PDE8B: variants seen among roughly 807,000 people sequenced by gnomAD.
The protein encoded by PDE8B is phosphodiesterase 8B, also known as high affinity cAMP-specific and IBMX-insensitive 3',5'-cyclic phosphodiesterase 8B.
Under a neutral mutation model 101.3 loss-of-function variants are expected in PDE8B, and 26 were observed. The observed-to-expected ratio is 0.26, with a 90% CI of 0.19 to 0.36. The LOEUF is 0.36. Ranked by LOEUF, PDE8B falls within the 10% of genes least tolerant of loss-of-function variation. The probability of loss-of-function intolerance (pLI) is 1.00; values close to 1 mark genes in which losing one functional copy is unlikely to be tolerated. For missense variants in PDE8B, 810 were observed against 1,163.1 expected (o/e 0.70, Z 4.42); for synonymous variants, 424 against 429.3 (o/e 0.99, Z 0.15).
chr5:77,375,161 T>C (rs1785828866), intron 10 of PDE8B, among the ~76,000 whole-genome samples: 1 of 152,234 alleles, frequency 6.6e-6, no homozygotes, highest in African/African-American at 2.4e-5. Flanking sequence ...CTCTCAGCTG[T>C]GTTTCTAGGA....
At chr5:77,150,842 A>G in the PDE8B span, among the ~76,000 whole-genome samples, 2 of 152,304 alleles carry the variant, frequency 1.3e-5, no homozygotes, top group East Asian at 3.9e-4. Flanking sequence ...AAACTGAGAC[A>G]CAGATGATTA....
chr5:77,151,023 G>T, the PDE8B span, among the ~76,000 whole-genome samples: 8,006 of 152,334 alleles, frequency 0.053, 295 homozygotes, highest in South Asian at 0.11. Flanking sequence ...TGAATGCAGT[G>T]TGTGGCAGAG....
Position 77,413,326 on chromosome 5 carries a change from A to T in PDE8B, c.1911+17A>T. 3 of 1,603,142 alleles carry T rather than the reference A, an allele frequency of 1.9e-6. No homozygotes were observed. Among genetic ancestry groups the T allele is most frequent in the Non-Finnish European group, 2.6e-6 (3 of 1,170,048 alleles). The stretch of plus-strand genomic sequence containing the variant: ...AGAGTAAAGGTAGGATTTTGATATC[A>T]TGACCTAGTTACCTGCCTGGATTGG... On this transcript the variant is annotated intron_variant, in intron 17 of 21. Transcript: ENST00000264917.
the PDE8B span, among the ~76,000 whole-genome samples, chr5:77,128,448 G>A: frequency 2.6e-5 from 4 of 152,214 alleles, no homozygotes; most frequent in African/African-American, 9.6e-5. Flanking sequence ...AACCTCAGAA[G>A]TAGTAATTGC....
chr5:77,405,791 G>A (rs1428979289), intron 12 of PDE8B, among the ~76,000 whole-genome samples: 3 of 152,122 alleles, frequency 2.0e-5, no homozygotes, highest in South Asian at 2.1e-4. Flanking sequence ...ACTCGAGAGC[G>A]GACAACAGAC....
intron 18 of PDE8B, among the ~76,000 whole-genome samples, chr5:77,418,840 C>T (rs576481004): frequency 6.6e-5 from 10 of 152,244 alleles, no homozygotes; most frequent in Admixed American, 4.6e-4. Context: ...TCCCACAGAG[C>T]GGGAGCACGA....
the PDE8B span, among the ~76,000 whole-genome samples, chr5:77,177,843 T>C: frequency 0.3 from 46,134 of 152,128 alleles, 7,657 homozygotes; most frequent in Non-Finnish European, 0.36. Context: ...CTAGATGTTA[T>C]CAGAATGGCA....
chr5:77,403,985 A>G (rs1026542084), intron 11 of PDE8B, among the ~76,000 whole-genome samples: 1 of 151,462 alleles, frequency 6.6e-6, no homozygotes, highest in Non-Finnish European at 1.5e-5. Flanking sequence ...TGCCTGGCTA[A>G]TTTTTTGTTG....
the PDE8B span, among the ~76,000 whole-genome samples, chr5:77,096,519 C>T: frequency 6.6e-6 from 1 of 152,172 alleles, no homozygotes; most frequent in African/African-American, 2.4e-5. Flanking sequence ...TTCATCATCA[C>T]ATGGCAGAAG....
chr5:77,375,786 GATAC>G (rs1312419264), intron 10 of PDE8B, among the ~76,000 whole-genome samples: 2 of 151,626 alleles, frequency 1.3e-5, no homozygotes, highest in African/African-American at 4.8e-5. Context: ...TGTCACATGA[GATAC>G]ATATACTTTA....
intron 5 of PDE8B, among the ~76,000 whole-genome samples, chr5:77,336,263 A>G (rs1778170773): frequency 6.6e-6 from 1 of 152,204 alleles, no homozygotes. Flanking sequence ...GACACTTAGC[A>G]CATACACAGT....
chr5:77,367,154 A>AACAC (rs71736838), intron 10 of PDE8B, among the ~76,000 whole-genome samples: 64 of 144,930 alleles, frequency 4.4e-4, no homozygotes, highest in Admixed American at 1.4e-3. Flanking sequence ...GTTTTCTCAA[A>AACAC]ACACACACAC....
chr5:77,229,239 G>A (rs932213034), intron 1 of PDE8B, among the ~76,000 whole-genome samples: 2 of 152,108 alleles, frequency 1.3e-5, no homozygotes, highest in Admixed American at 1.3e-4. Flanking sequence ...AATCAAATAC[G>A]GAATTCATTT....
chr5:77,167,850 C>T, the PDE8B span, among the ~76,000 whole-genome samples: 1,403 of 152,248 alleles, frequency 9.2e-3, 26 homozygotes, highest in African/African-American at 0.031. Context: ...GTGCCCAGGA[C>T]TCCTGGGGAG....
chr5:77,232,724 G>A (rs1753821540), intron 1 of PDE8B, among the ~76,000 whole-genome samples: 2 of 152,148 alleles, frequency 1.3e-5, no homozygotes, highest in African/African-American at 2.4e-5. Flanking sequence ...CTGGATACCC[G>A]TGGGGTTGCT....
intron 7 of PDE8B, among the ~76,000 whole-genome samples, chr5:77,347,528 T>C (rs1394501390): frequency 1.3e-5 from 2 of 152,222 alleles, no homozygotes; most frequent in African/African-American, 4.8e-5. Context: ...TAATATATTC[T>C]CTAATATTTT....
intron 18 of PDE8B, 67 bp downstream of exon 18, chr5:77,418,513 T>C: frequency 9.2e-7 from 1 of 1,086,974 alleles, no homozygotes. Context: ...AATACTTAGC[T>C]TCCTCTTAGG....
intron 10 of PDE8B, among the ~76,000 whole-genome samples, chr5:77,378,048 A>ACAC (rs1347483439): frequency 2.0e-4 from 19 of 93,952 alleles, no homozygotes; most frequent in Admixed American, 6.3e-4. Flanking sequence ...ACACACACAC[A>ACAC]CCCCCTGTTG....
the PDE8B span, chr5:77,140,435 C>T: frequency 6.6e-6 from 1 of 152,138 alleles, no homozygotes; most frequent in African/African-American, 2.4e-5. Context: ...CCCAGATCTC[C>T]AGGGCCTATC....
Sources: allele counts gnomAD v4.1 joint callset (sites outside exome capture counted in the v4.1 genomes callset), GRCh38; gene constraint gnomAD v4.1.1; transcripts MANE v1.5; gene names NCBI Gene and HGNC (gene_info 2026-07-23, HGNC 2026-07-21).